Variants in PIR observed in about 807,000 individuals in gnomAD.
PIR encodes pirin (iron-binding nuclear protein).
A neutral mutation model predicts 24.2 loss-of-function variants in PIR; 22 were observed. The observed-to-expected ratio is 0.91, with a 90% CI of 0.65 to 1.30. The LOEUF is 1.30. Among genes scored for constraint, PIR ranks in the 50% most tolerant of loss-of-function variants. The pLI, the probability that PIR is intolerant of heterozygous loss-of-function variation, is 0.00. For missense variants in PIR, 220 were observed against 220.3 expected, an observed-to-expected ratio of 1.00 and a Z score of 0.01; for synonymous variants, 80 against 79.6, an observed-to-expected ratio of 1.00 and a Z score of -0.03.
intron 3 of PIR, among the ~76,000 whole-genome samples, chrX:15,471,213 C>T (rs1446869574): frequency 8.1e-5 from 9 of 111,021 alleles, no homozygotes; most frequent in Non-Finnish European, 1.7e-4. Context: ...AGTAGCACTC[C>T]CCAGTTGTGA....
intron 2 of PIR, among the ~76,000 whole-genome samples, chrX:15,484,316 T>TTTC (rs1555962955): frequency 1.1e-5 from 1 of 92,125 alleles, no homozygotes; most frequent in Non-Finnish European, 2.2e-5. Flanking sequence ...CTTTTTTTTT[T>TTTC]TTTTTTTTTT....
intron 5 of PIR, among the ~76,000 whole-genome samples, chrX:15,440,753 T>C (rs1392404551): frequency 9.0e-6 from 1 of 111,507 alleles, no homozygotes; most frequent in Non-Finnish European, 1.9e-5. Flanking sequence ...CAGCTTTCCA[T>C]AGTTGAGTAC....
chrX:15,401,564 A>C (rs1261826744), intron 7 of PIR, among the ~76,000 whole-genome samples: 1 of 111,845 alleles, frequency 8.9e-6, no homozygotes. Context: ...AAGTCTCAAA[A>C]AATATATCTT....
intron 1 of PIR, among the ~76,000 whole-genome samples, chrX:15,491,805 G>A (rs1203765098): frequency 1.8e-5 from 2 of 111,050 alleles, no homozygotes; most frequent in Non-Finnish European, 3.8e-5. Context: ...AGGAACAATA[G>A]GCTATACCAT....
Position 15,430,563 on chromosome X carries a change from T to A in PIR, c.481-4573A>T, listed in dbSNP as rs149298131. 3.5e-3 allele frequency among the ~76,000 whole-genome samples: 387 copies of A among 111,053 alleles called. 1 individual carries two copies. Among genetic ancestry groups the A allele is most frequent in the African/African-American group, 0.012 (374 of 30,544 alleles). On this transcript the variant is annotated intron_variant, in intron 5 of 9. Transcript: ENST00000380420. ...ATGTCAGAACCAAACCCATAATGAG[T>A]CTCAGACACCACTCCAATAATGACC...
intron 3 of PIR, among the ~76,000 whole-genome samples, chrX:15,470,371 G>A (rs1046375285): frequency 2.7e-5 from 3 of 111,578 alleles, no homozygotes; most frequent in African/African-American, 9.8e-5. Flanking sequence ...GTGATTCTAA[G>A]AGTCTGTTGA....
At chrX:15,481,720 ATTAATT>A (rs1922513859) in intron 2 of PIR, among the ~76,000 whole-genome samples, 1 of 112,316 alleles carries the variant, frequency 8.9e-6, no homozygotes, top group African/African-American at 3.2e-5. Flanking sequence ...CTAAGCTCTT[ATTAATT>A]TTAATGATTC....
chrX:15,416,953 G>T (rs1924941181), intron 6 of PIR, among the ~76,000 whole-genome samples: 1 of 111,481 alleles, frequency 9.0e-6, no homozygotes, highest in African/African-American at 3.3e-5. Context: ...TTTTTTCTGA[G>T]ACAGAGTCTA....
At chrX:15,442,672 A>G (rs1403736076) in intron 5 of PIR, among the ~76,000 whole-genome samples, 1 of 112,183 alleles carries the variant, frequency 8.9e-6, no homozygotes, top group Non-Finnish European at 1.9e-5. Flanking sequence ...AATTGCTGAT[A>G]TGGAGAAAGT....
chrX:15,419,096 A>G (rs1840781243), intron 6 of PIR, among the ~76,000 whole-genome samples: 1 of 110,445 alleles, frequency 9.1e-6, no homozygotes, highest in African/African-American at 3.3e-5. Context: ...CTTGGAGTTT[A>G]TGATGGAATT....
intron 6 of PIR, among the ~76,000 whole-genome samples, chrX:15,425,643 C>T (rs1376470738): frequency 5.4e-5 from 6 of 111,046 alleles, no homozygotes; most frequent in Non-Finnish European, 1.1e-4. Context: ...ATCTCCTGAC[C>T]TCGTGATCCA....
chrX:15,490,892 GC>G (rs775159847), intron 2 of PIR, among the ~76,000 whole-genome samples: 3 of 112,279 alleles, frequency 2.7e-5, no homozygotes, highest in African/African-American at 9.7e-5. Flanking sequence ...TAGCATGTCA[GC>G]CCAGGGTGGC....
At chrX:15,463,880 A>C (rs897295719) in intron 3 of PIR, among the ~76,000 whole-genome samples, 1 of 112,691 alleles carries the variant, frequency 8.9e-6, no homozygotes, top group African/African-American at 3.2e-5. Context: ...TGGATGAAGG[A>C]TTTAAATGCA....
intron 5 of PIR, among the ~76,000 whole-genome samples, chrX:15,427,838 T>C (rs1925369581): frequency 9.2e-6 from 1 of 108,972 alleles, no homozygotes; most frequent in Non-Finnish European, 1.9e-5. Context: ...TGTGTGTGTG[T>C]GCATATGTGT....
intron 9 of PIR, among the ~76,000 whole-genome samples, chrX:15,387,073 CTTTTTTTTTTTTTT>C (rs764572854): frequency 3.1e-4 from 4 of 12,713 alleles, no homozygotes; most frequent in East Asian, 3.6e-3. Flanking sequence ...CTTTTCTTTT[CTTTTTTTTTTTTTT>C]TTTTTTTTTT....
At chrX:15,400,304 A>G (rs1288848077) in intron 7 of PIR, among the ~76,000 whole-genome samples, 1 of 111,947 alleles carries the variant, frequency 8.9e-6, no homozygotes, top group East Asian at 2.8e-4. Flanking sequence ...GCATTTCATT[A>G]AGTGTGCTTT....
At chrX:15,447,509 G>A (rs752919966) in intron 5 of PIR, among the ~76,000 whole-genome samples, 11 of 111,414 alleles carry the variant, frequency 9.9e-5, no homozygotes, top group African/African-American at 2.3e-4. Flanking sequence ...TAGTAGAGAC[G>A]GGGTTTCACC....
intron 5 of PIR, among the ~76,000 whole-genome samples, chrX:15,430,249 G>A (rs1278619008): frequency 1.8e-5 from 2 of 109,461 alleles, no homozygotes; most frequent in Admixed American, 2.0e-4. Flanking sequence ...TTTCAGTTCT[G>A]ATTAATAATG....
intron 5 of PIR, among the ~76,000 whole-genome samples, chrX:15,432,102 G>T (rs1029740529): frequency 1.3e-4 from 14 of 110,407 alleles, no homozygotes; most frequent in African/African-American, 4.6e-4. Context: ...GTATGTACCA[G>T]GCACTATTTT....
Sources: gnomAD v4.1 joint callset for allele counts (sites outside exome capture counted in the v4.1 genomes callset) on GRCh38, gnomAD v4.1.1 for gene constraint, MANE v1.5 for transcripts, NCBI Gene and HGNC (gene_info 2026-07-23, HGNC 2026-07-21) for gene names.